IL21R: variants seen among roughly 807,000 people sequenced by gnomAD.
IL21R encodes interleukin 21 receptor.
In IL21R, 14 loss-of-function variants were observed where a neutral mutation model predicts 41.3. The ratio of observed to expected loss-of-function variants is 0.34; its 90% CI spans 0.22 to 0.53. IL21R has a LOEUF of 0.53. IL21R is among the 20% of genes least tolerant of loss of function. The pLI is 0.94. For synonymous variants in IL21R, 286 were observed against 287.6 expected (o/e 0.99, Z 0.05); for missense variants, 588 against 681.6 (o/e 0.86, Z 1.53).
At chr16:27,441,761 G>T (rs1281537961) in intron 4 of IL21R, among the ~76,000 whole-genome samples, 1 of 152,146 alleles carries the variant, frequency 6.6e-6, no homozygotes. Context: ...GCAATCCCAG[G>T]ATTTTGGGAG....
chr16:27,448,795 GAC>G lies in IL21R; in HGVS notation c.1133_1134del (p.Thr378SerfsTer17). 1 of 1,613,532 alleles carries G rather than the reference GAC, an allele frequency of 6.2e-7. No individual in the cohort carries two copies. The highest frequency in any genetic ancestry group is 8.5e-7 in the Non-Finnish European group (1 of 1,180,026). On this transcript the variant is annotated frameshift_variant, in exon 9 of 9. Coordinates refer to ENST00000337929, the MANE Select transcript of IL21R (RefSeq NM_181078.3). LOFTEE classifies it low-confidence loss of function (END_TRUNC). ...TCGGCCATACGGCCTGGTGTCCATT[GAC>G]ACAGTGACTGTGCTAGATGCAGAGG... ...RDRPYGLVSI[D>X]TVTVLDAEGP...
In IL21R at chr16:27,449,800, T is replaced by C; in HGVS notation, c.*517T>C. 4.2e-6 allele frequency: 1 copy of C among 236,424 alleles called. No homozygotes were observed. The highest frequency in any genetic ancestry group is 8.3e-6 in the Non-Finnish European group (1 of 119,908). The allele number at this position is 236,424 out of a possible 1,614,324, so 14.6% of individuals were successfully genotyped here. ...AGCTGCAAGAAGTCCATATTGTTCCTTATCACCTGCCAACAGGAAGCGAAA... is the reference window on the plus strand; with the variant it reads ...AGCTGCAAGAAGTCCATATTGTTCCCTATCACCTGCCAACAGGAAGCGAAA... On this transcript the variant is annotated 3_prime_UTR_variant, in exon 9 of 9. Transcript: ENST00000337929.
chr16:27,417,016 C>T (rs1016348934), intron 1 of IL21R, among the ~76,000 whole-genome samples: 2 of 152,154 alleles, frequency 1.3e-5, no homozygotes, highest in East Asian at 3.8e-4. Flanking sequence ...TTTATCCATT[C>T]ACCAGTCGAT....
At chr16:27,423,181 A>G (rs920651992) in intron 1 of IL21R, among the ~76,000 whole-genome samples, 1 of 151,006 alleles carries the variant, frequency 6.6e-6, no homozygotes, top group Non-Finnish European at 1.5e-5. Flanking sequence ...CAGAATTTCA[A>G]TGCATTTTTC....
intron 1 of IL21R, among the ~76,000 whole-genome samples, chr16:27,410,516 AAAAG>A (rs2086808627): frequency 6.6e-6 from 1 of 152,204 alleles, no homozygotes; most frequent in African/African-American, 2.4e-5. Context: ...TCCAGATGTT[AAAAG>A]AAATAGCTAT....
chr16:27,426,137 C>T (rs897764992), intron 1 of IL21R, among the ~76,000 whole-genome samples: 1 of 152,164 alleles, frequency 6.6e-6, no homozygotes. Context: ...TATCATTACT[C>T]CCATTTTACA....
chr16:27,418,223 CTG>C (rs1192136039), intron 1 of IL21R, among the ~76,000 whole-genome samples: 2 of 151,512 alleles, frequency 1.3e-5, no homozygotes, highest in East Asian at 1.9e-4. Context: ...GCGCCTGCCA[CTG>C]CGCCCGGCTA....
rs1043508153 is a variant in IL21R, at chr16:27,403,266, T to C, written c.-17+648T>C. Reference sequence around the variant, plus strand: ...CCTGTGCATGTGGAGGAGAGGAGGGTGGGGAGGTCAGTGGAGGCTGAGCCT... The same window carrying C: ...CCTGTGCATGTGGAGGAGAGGAGGGCGGGGAGGTCAGTGGAGGCTGAGCCT... On this transcript the variant is annotated intron_variant, in intron 1 of 8. Transcript: ENST00000337929. 4 of 1,318,304 alleles carry C rather than the reference T, an allele frequency of 3.0e-6. No individual in the cohort carries two copies. In the African/African-American group the frequency reaches 4.5e-5, roughly 15 times the overall value. The allele number at this position is 1,318,304 out of a possible 1,614,324, so 81.7% of individuals were successfully genotyped here. A position where few individuals can be genotyped will look rare whatever the true frequency, so the allele number is the denominator to read the frequency against.
At chr16:27,420,840 GTTTAC>G (rs2086988752) in intron 1 of IL21R, among the ~76,000 whole-genome samples, 1 of 151,600 alleles carries the variant, frequency 6.6e-6, no homozygotes, top group African/African-American at 2.4e-5. Flanking sequence ...TTTTTTCTTT[GTTTAC>G]TTATGCTTTT....
In IL21R at chr16:27,450,119, G is replaced by A. The variant is rs564613095; in HGVS notation, c.*836G>A. On this transcript the variant is annotated 3_prime_UTR_variant, in exon 9 of 9. Transcript: ENST00000337929. ...GCGGGCGGGGGTGAGAACATCAATC[G>A]TCAGCGACAGCCTGGGCACCCGCGG... 4 of 232,824 alleles carry A rather than the reference G, an allele frequency of 1.7e-5. No homozygotes were observed. Among genetic ancestry groups the A allele is most frequent in the African/African-American group, 6.6e-5 (3 of 45,410 alleles). 14.4% of individuals were successfully genotyped at this position (232,824 alleles called of 1,614,324 possible).
At chr16:27,434,797 T>C (rs537230783) in intron 3 of IL21R, among the ~76,000 whole-genome samples, 265 of 152,248 alleles carry the variant, frequency 1.7e-3, no homozygotes, top group Middle Eastern at 6.8e-3. Flanking sequence ...GATGAGGACA[T>C]TGAGGTTCAG....
chr16:27,438,743 G>A (rs1255444556), intron 4 of IL21R, among the ~76,000 whole-genome samples: 3 of 152,132 alleles, frequency 2.0e-5, no homozygotes, highest in South Asian at 2.1e-4. Flanking sequence ...GGTGGCACAC[G>A]CCCGTAATCC....
chr16:27,415,608 C>T (rs1450361417), intron 1 of IL21R, among the ~76,000 whole-genome samples: 1 of 152,144 alleles, frequency 6.6e-6, no homozygotes, highest in Non-Finnish European at 1.5e-5. Flanking sequence ...GAAAGCTTCA[C>T]CAGAGAGTCC....
intron 1 of IL21R, among the ~76,000 whole-genome samples, chr16:27,408,560 C>T (rs1448834638): frequency 6.6e-6 from 1 of 152,166 alleles, no homozygotes; most frequent in African/African-American, 2.4e-5. Context: ...AGAGGAGGAC[C>T]AGCAGGAGAG....
intron 1 of IL21R, among the ~76,000 whole-genome samples, chr16:27,423,752 C>T (rs371581536): frequency 8.5e-5 from 13 of 152,254 alleles, no homozygotes; most frequent in Admixed American, 2.6e-4. Context: ...TTTTCACTCT[C>T]CTGATGATGG....
In IL21R at chr16:27,437,682, A is replaced by G; in HGVS notation, c.347A>G (p.Glu116Gly). ...GAGTGTGGCAGCTTTCTCCTGGCTG[A>G]GAGCAGTGAGTATCCTGGGACCCCA... ...SQECGSFLLAESIKPAPPFNV... is the reference protein window; with the variant it reads ...SQECGSFLLAGSIKPAPPFNV... Residue 116 changes from glutamate (E) to glycine (G), a missense_variant, in exon 4 of 9, where the codon GAG becomes GGG. By Grantham distance (98) the Glu-to-Gly change is moderately conservative. Transcript: ENST00000337929. 1 of 1,613,704 alleles carries G rather than the reference A, an allele frequency of 6.2e-7. No individual in the cohort carries two copies. Among genetic ancestry groups the G allele is most frequent in the Non-Finnish European group, 8.5e-7 (1 of 1,179,646 alleles).
At chr16:27,440,173 T>C (rs1296748903) in intron 4 of IL21R, among the ~76,000 whole-genome samples, 2 of 147,836 alleles carry the variant, frequency 1.4e-5, no homozygotes, top group Non-Finnish European at 1.5e-5. Context: ...ACAGGCAGCC[T>C]TAGAGCTCCT....
chr16:27,421,200 A>G (rs367940934), intron 1 of IL21R, among the ~76,000 whole-genome samples: 1 of 152,096 alleles, frequency 6.6e-6, no homozygotes. Flanking sequence ...CACAGTGTTG[A>G]TAAGTGTAGC....
At chr16:27,407,840 C>T (rs1441252597) in intron 1 of IL21R, among the ~76,000 whole-genome samples, 4 of 152,202 alleles carry the variant, frequency 2.6e-5, no homozygotes, top group Non-Finnish European at 4.4e-5. Flanking sequence ...CAAAACAAAA[C>T]AAACAACAAC....
Sources: gnomAD v4.1 joint callset for allele counts (sites outside exome capture counted in the v4.1 genomes callset) on GRCh38, gnomAD v4.1.1 for gene constraint, MANE v1.5 for transcripts, NCBI Gene and HGNC (gene_info 2026-07-23, HGNC 2026-07-21) for gene names.